The following PLXDC2 variants were observed in gnomAD, a reference collection of about 807,000 sequenced individuals.
PLXDC2 encodes the protein plexin domain containing 2, also known as plexin domain-containing protein 2.
A neutral mutation model predicts 68.9 loss-of-function variants in PLXDC2; 40 were observed. The observed-to-expected ratio is 0.58, with a 90% CI of 0.45 to 0.76. PLXDC2 has a LOEUF of 0.76. Ranked by LOEUF, PLXDC2 falls within the 30% of genes least tolerant of loss-of-function variation. PLXDC2 has a pLI of 0.00. For synonymous variants in PLXDC2, 243 were observed against 234.2 expected (o/e 1.04, Z -0.34); for missense variants, 644 against 661.9 (o/e 0.97, Z 0.30).
chr10:20,268,580 A>C (rs1247661412), intron 13 of PLXDC2, among the ~76,000 whole-genome samples: 1 of 152,164 alleles, frequency 6.6e-6, no homozygotes, highest in Non-Finnish European at 1.5e-5. Flanking sequence ...TAAAGCACAC[A>C]ATTACTTTAG....
chr10:20,064,066 T>C (rs528034783), intron 3 of PLXDC2, among the ~76,000 whole-genome samples: 152 of 152,206 alleles, frequency 1.0e-3, no homozygotes, highest in African/African-American at 3.4e-3. Context: ...TTCTATTTTG[T>C]CAAGCCTCTT....
At chr10:20,121,514 G>T (rs1833697317) in intron 4 of PLXDC2, among the ~76,000 whole-genome samples, 2 of 152,302 alleles carry the variant, frequency 1.3e-5, no homozygotes, top group Admixed American at 1.3e-4. Flanking sequence ...AAGTAATGGG[G>T]GCTGTCTGTG....
chr10:19,902,293 C>T (rs186555239), intron 1 of PLXDC2, among the ~76,000 whole-genome samples: 200 of 152,222 alleles, frequency 1.3e-3, no homozygotes, highest in Middle Eastern at 6.8e-3. Context: ...TTGTTTCTAA[C>T]CATCCATGAG....
At chr10:19,854,100 A>G (rs993416339) in intron 1 of PLXDC2, among the ~76,000 whole-genome samples, 1 of 152,138 alleles carries the variant, frequency 6.6e-6, no homozygotes, top group African/African-American at 2.4e-5. Context: ...AGACAAGGCT[A>G]TCACAGCCAC....
At chr10:20,129,261 G>A (rs1394561435) in intron 4 of PLXDC2, among the ~76,000 whole-genome samples, 1 of 151,968 alleles carries the variant, frequency 6.6e-6, no homozygotes, top group African/African-American at 2.4e-5. Flanking sequence ...TACCTATTGG[G>A]TATTTGTGTG....
chr10:19,915,356 C>A (rs1160047750), intron 1 of PLXDC2, among the ~76,000 whole-genome samples: 1 of 152,086 alleles, frequency 6.6e-6, no homozygotes, highest in Admixed American at 6.6e-5. Context: ...CTACTAATAT[C>A]AATATTTTGG....
At chr10:20,007,722 C>A (rs529225218) in intron 2 of PLXDC2, among the ~76,000 whole-genome samples, 2 of 152,196 alleles carry the variant, frequency 1.3e-5, no homozygotes, top group African/African-American at 4.8e-5. Context: ...AGGCTTGAGC[C>A]GGTCTGATAT....
At chr10:20,227,847 T>C (rs1423785559) in intron 12 of PLXDC2, among the ~76,000 whole-genome samples, 1 of 152,002 alleles carries the variant, frequency 6.6e-6, no homozygotes, top group African/African-American at 2.4e-5. Flanking sequence ...TAGTAATCCA[T>C]AGAAGCAATG....
intron 1 of PLXDC2, among the ~76,000 whole-genome samples, chr10:19,958,633 G>A (rs751929620): frequency 2.6e-5 from 4 of 152,112 alleles, no homozygotes; most frequent in Admixed American, 2.0e-4. Context: ...AGGTTGTAAC[G>A]TAGTTCAGTA....
At chr10:20,269,100 T>C (rs1564371960) in intron 13 of PLXDC2, among the ~76,000 whole-genome samples, 2 of 152,198 alleles carry the variant, frequency 1.3e-5, no homozygotes, top group African/African-American at 2.4e-5. Flanking sequence ...CTAGAGTCTC[T>C]TACATTTACA....
chr10:20,251,722 C>T (rs1266342268), intron 13 of PLXDC2, among the ~76,000 whole-genome samples: 4 of 152,066 alleles, frequency 2.6e-5, no homozygotes, highest in African/African-American at 9.7e-5. Context: ...TCTATTTGGA[C>T]TATAACGAAA....
intron 1 of PLXDC2, among the ~76,000 whole-genome samples, chr10:19,953,407 G>T (rs1454562774): frequency 6.6e-6 from 1 of 152,234 alleles, no homozygotes; most frequent in African/African-American, 2.4e-5. Flanking sequence ...ACCTGTGAGT[G>T]TGTAAGTTCA....
intron 4 of PLXDC2, among the ~76,000 whole-genome samples, chr10:20,134,482 G>A (rs1776586226): frequency 6.6e-6 from 1 of 152,100 alleles, no homozygotes. Context: ...TAAGCATTTG[G>A]GTAGGCCTAC....
intron 1 of PLXDC2, among the ~76,000 whole-genome samples, chr10:19,902,204 G>C (rs1413822321): frequency 1.3e-5 from 2 of 151,846 alleles, no homozygotes; most frequent in African/African-American, 4.8e-5. Context: ...CTAGTTCTGT[G>C]AAAAATCATA....
At chr10:19,821,461 AG>A (rs1406495126) in intron 1 of PLXDC2, among the ~76,000 whole-genome samples, 1 of 152,170 alleles carries the variant, frequency 6.6e-6, no homozygotes, top group Non-Finnish European at 1.5e-5. Context: ...TTGATATTGT[AG>A]GGTTTCCTTT....
intron 12 of PLXDC2, among the ~76,000 whole-genome samples, chr10:20,226,135 T>C (rs1396126001): frequency 6.6e-6 from 1 of 152,238 alleles, no homozygotes; most frequent in Non-Finnish European, 1.5e-5. Context: ...TTCCTGGCTT[T>C]CCTGAAACAG....
intron 1 of PLXDC2, among the ~76,000 whole-genome samples, chr10:19,916,407 C>T (rs1833367521): frequency 6.6e-6 from 1 of 151,370 alleles, no homozygotes; most frequent in African/African-American, 2.4e-5. Context: ...CCTTAGCCTC[C>T]AAAAGTGCTG....
chr10:19,954,835 G>T (rs1834042722), intron 1 of PLXDC2, among the ~76,000 whole-genome samples: 1 of 152,062 alleles, frequency 6.6e-6, no homozygotes, highest in Non-Finnish European at 1.5e-5. Context: ...ACACCTTTTG[G>T]TCTACTTACA....
chr10:20,202,797 A>G (rs951482073), intron 9 of PLXDC2, among the ~76,000 whole-genome samples: 8 of 152,168 alleles, frequency 5.3e-5, no homozygotes, highest in African/African-American at 1.9e-4. Flanking sequence ...TAAAATTTAG[A>G]CATAAAATAA....
Sources: allele counts gnomAD v4.1 joint callset (sites outside exome capture counted in the v4.1 genomes callset), GRCh38; gene constraint gnomAD v4.1.1; transcripts MANE v1.5; gene names NCBI Gene and HGNC (gene_info 2026-07-23, HGNC 2026-07-21).